The following NPAS2 variants were observed in gnomAD, a reference collection of about 807,000 sequenced individuals.
NPAS2 encodes neuronal PAS domain protein 2, also known as neuronal PAS domain-containing protein 2.
In NPAS2, 23 loss-of-function variants were observed where a neutral mutation model predicts 107.5. That is an observed-to-expected ratio of 0.21 (90% CI 0.15 to 0.30). The LOEUF is 0.30. Ranked by LOEUF, NPAS2 falls within the 10% of genes least tolerant of loss-of-function variation. The probability of loss-of-function intolerance (pLI) is 1.00; values close to 1 mark genes in which losing one functional copy is unlikely to be tolerated. For synonymous variants in NPAS2, 403 were observed against 417.5 expected, an observed-to-expected ratio of 0.97 and a Z score of 0.42; for missense variants, 756 against 1,043.3, an observed-to-expected ratio of 0.72 and a Z score of 3.79.
intron 1 of NPAS2, among the ~76,000 whole-genome samples, chr2:100,867,118 T>C (rs1679301860): frequency 6.6e-6 from 1 of 151,510 alleles, no homozygotes; most frequent in Non-Finnish European, 1.5e-5. Flanking sequence ...AGCGTCTTCC[T>C]AAATGGTCAA....
intron 1 of NPAS2, among the ~76,000 whole-genome samples, chr2:100,897,446 G>A (rs1402197555): frequency 3.3e-5 from 5 of 152,224 alleles, no homozygotes; most frequent in African/African-American, 1.2e-4. Context: ...AAAACCTCCA[G>A]TGCCTTCCCG....
At chr2:100,926,037 C>T (rs368527734) in intron 3 of NPAS2, among the ~76,000 whole-genome samples, 2 of 152,154 alleles carry the variant, frequency 1.3e-5, no homozygotes, top group South Asian at 2.1e-4. Flanking sequence ...TAGAATCATA[C>T]GGTATGTGGT....
At chr2:100,887,512 G>A (rs760374849) in intron 1 of NPAS2, among the ~76,000 whole-genome samples, 4 of 152,268 alleles carry the variant, frequency 2.6e-5, no homozygotes, top group South Asian at 4.1e-4. Flanking sequence ...GTAGCACCAC[G>A]GTTTCTCAGC....
Position 100,927,108 on chromosome 2 carries a change from C to G in NPAS2, c.181+1814C>G, listed in dbSNP as rs190449261. 4.7e-4 allele frequency among the ~76,000 whole-genome samples: 71 copies of G among 151,772 alleles called. No individual in the cohort carries two copies. The East Asian group carries it at 5.6e-3, about 12-fold the overall frequency. ...TGCCACCACACCCGGCTAATTTTTT[C>G]TATTTTTAGTAGAGAAGGGGTTTCA... is the stretch of plus-strand genomic sequence containing the variant. On this transcript the variant is annotated intron_variant, in intron 3 of 20. Transcript: ENST00000335681.
At chr2:100,920,023 G>A (rs963306039) in intron 2 of NPAS2, among the ~76,000 whole-genome samples, 1 of 152,096 alleles carries the variant, frequency 6.6e-6, no homozygotes, top group Non-Finnish European at 1.5e-5. Context: ...CCTCCATATC[G>A]CTTGATGGAG....
At chr2:100,842,683 C>T (rs1212049562) in intron 1 of NPAS2, among the ~76,000 whole-genome samples, 3 of 152,158 alleles carry the variant, frequency 2.0e-5, no homozygotes, top group Admixed American at 6.5e-5. Context: ...CTAGAGAAAC[C>T]TGTGTCCTTG....
At chr2:100,943,855 C>T (rs1027061094) in intron 5 of NPAS2, among the ~76,000 whole-genome samples, 1 of 152,198 alleles carries the variant, frequency 6.6e-6, no homozygotes, top group African/African-American at 2.4e-5. Flanking sequence ...CCAATTTTAC[C>T]AGATGCCAAG....
intron 1 of NPAS2, among the ~76,000 whole-genome samples, chr2:100,850,413 G>A (rs10179248): frequency 0.02 from 3,017 of 152,128 alleles, 90 homozygotes; most frequent in African/African-American, 0.069. Flanking sequence ...TTCATGTGAG[G>A]GTACAAAAGA....
chr2:100,918,746 A>G (rs1209048896), intron 2 of NPAS2, among the ~76,000 whole-genome samples: 2 of 152,222 alleles, frequency 1.3e-5, no homozygotes, highest in Non-Finnish European at 2.9e-5. Context: ...TACTGACAAT[A>G]TTAATTCCCT....
At chr2:100,926,945 T>C (rs945240270) in intron 3 of NPAS2, among the ~76,000 whole-genome samples, 18 of 146,028 alleles carry the variant, frequency 1.2e-4, no homozygotes, top group East Asian at 3.9e-4. Flanking sequence ...TTCTTTCTTT[T>C]TTTTTTTTTT....
At position 100,964,102 on chromosome 2, in the gene NPAS2, C is replaced by G. The variant is rs1377572777; in HGVS notation, c.643C>G (p.Pro215Ala). 2 of 1,614,130 alleles carry G rather than the reference C, an allele frequency of 1.2e-6. No individual in the cohort carries two copies. The highest frequency in any genetic ancestry group is 1.7e-6 in the Non-Finnish European group (2 of 1,179,986). ...TGGTTTTGACAACACCCTTTCAAGA[C>G]CTTGCCGGGTGCCACTAGGAAAGGA... Reference protein sequence around the residue: ...CNGFDNTLSRPCRVPLGKEVC... With the variant: ...CNGFDNTLSRACRVPLGKEVC... The change falls in exon 8 of 21, where the codon CCT (proline) becomes GCT (alanine). Residue 215 changes from proline to alanine, a missense_variant. By Grantham distance (27) the Pro-to-Ala change is conservative. This residue lies in a region of NPAS2 where 30 missense variants were observed against 23.8 expected (regional missense o/e 1.26). Coordinates refer to ENST00000335681, the MANE Select transcript of NPAS2 (RefSeq NM_002518.4).
intron 2 of NPAS2, among the ~76,000 whole-genome samples, chr2:100,916,630 C>T (rs1682895360): frequency 6.6e-6 from 1 of 152,092 alleles, no homozygotes; most frequent in African/African-American, 2.4e-5. Context: ...TTAGATGAGT[C>T]TTTAACATGC....
intron 16 of NPAS2, chr2:100,986,482 G>C (rs974842793): frequency 1.3e-5 from 2 of 152,288 alleles, no homozygotes; most frequent in African/African-American, 4.8e-5. Context: ...AAAAACGTCA[G>C]ATGCTGGGAG....
chr2:100,990,780 G>T lies in NPAS2; in HGVS notation c.2019G>T (p.Arg673Ser), dbSNP rs537257287. ...SPDFSHDRQL[R>S]LLLSQPIQPM... ...CCTATTTCCCCACCTCTGCTTAAAG[G>T]CTGTTGCTGAGCCAGCCCATCCAGC... The change falls in exon 19 of 21, where the codon AGG becomes AGT. Residue 673 changes from arginine to serine, a missense_variant and splice_region_variant. Arg to Ser is a moderately radical substitution (Grantham distance 110, BLOSUM62 -1). Transcript: ENST00000335681. 1.1e-5 allele frequency: 17 copies of T among 1,613,980 alleles called. No homozygotes were observed. The South Asian group carries it at 1.9e-4, about 18-fold the overall frequency.
At chr2:100,824,220 C>T (rs575450409) in intron 1 of NPAS2, among the ~76,000 whole-genome samples, 8 of 152,134 alleles carry the variant, frequency 5.3e-5, no homozygotes, top group South Asian at 2.1e-4. Context: ...AACCCAAGGC[C>T]GGCCGTGGAG....
At chr2:100,964,581 C>T (rs75241954) in intron 8 of NPAS2, among the ~76,000 whole-genome samples, 8,057 of 152,184 alleles carry the variant, frequency 0.053, 466 homozygotes, top group South Asian at 0.16. Context: ...ATTCAGATTC[C>T]GATGAAAAGC....
intron 3 of NPAS2, among the ~76,000 whole-genome samples, 171 bp from the exon 4 acceptor site, chr2:100,932,739 G>A (rs1010120810): frequency 3.3e-5 from 5 of 152,204 alleles, no homozygotes; most frequent in Admixed American, 6.5e-5. Flanking sequence ...GAGAACATCC[G>A]AAGCTCCCAG....
At chr2:100,831,658 C>T (rs1321920455) in intron 1 of NPAS2, among the ~76,000 whole-genome samples, 1 of 152,162 alleles carries the variant, frequency 6.6e-6, no homozygotes, top group Non-Finnish European at 1.5e-5. Flanking sequence ...CTTTCCCCTT[C>T]ATAGCATTGT....
intron 16 of NPAS2, chr2:100,984,629 T>C (rs1677672874): frequency 6.8e-6 from 1 of 146,944 alleles, no homozygotes; most frequent in Non-Finnish European, 1.5e-5. Flanking sequence ...TTGGAGAACT[T>C]TTTTTTTTTT....
Sources: allele counts gnomAD v4.1 joint callset (sites outside exome capture counted in the v4.1 genomes callset), GRCh38; gene constraint gnomAD v4.1.1; regional missense constraint gnomAD v4.1.1; transcripts MANE v1.5; gene names NCBI Gene and HGNC (gene_info 2026-07-23, HGNC 2026-07-21).